Variants in INPP4B observed in about 807,000 individuals in gnomAD.
INPP4B encodes the protein inositol polyphosphate-4-phosphatase type II B, also known as inositol polyphosphate 4-phosphatase type II.
Under a neutral mutation model 122.5 loss-of-function variants are expected in INPP4B, and 55 were observed. That is an observed-to-expected ratio of 0.45 (90% CI 0.36 to 0.56). The LOEUF (loss-of-function observed/expected upper bound fraction) is 0.56, where lower values mean the gene tolerates loss of function less well. Ranked by LOEUF, INPP4B falls within the 20% of genes least tolerant of loss-of-function variation. The probability of loss-of-function intolerance (pLI) is 0.00; values close to 1 mark genes in which losing one functional copy is unlikely to be tolerated. For synonymous variants in INPP4B, 403 were observed against 388.7 expected (o/e 1.04, Z -0.43); for missense variants, 1,000 against 1,097.7 (o/e 0.91, Z 1.26).
chr4:142,830,510 G>T (rs1781987346), intron 1 of INPP4B, among the ~76,000 whole-genome samples: 1 of 152,124 alleles, frequency 6.6e-6, no homozygotes. Context: ...GGGGAATATG[G>T]AGTGGAGAGG....
chr4:142,620,514 G>A (rs531971598), intron 2 of INPP4B, among the ~76,000 whole-genome samples: 1 of 152,006 alleles, frequency 6.6e-6, no homozygotes, highest in African/African-American at 2.4e-5. Context: ...AGGATGGAGT[G>A]GGGGAGGAGA....
chr4:142,362,719 G>C (rs957184185), intron 7 of INPP4B, among the ~76,000 whole-genome samples: 1 of 151,962 alleles, frequency 6.6e-6, no homozygotes, highest in Non-Finnish European at 1.5e-5. Context: ...ATTATCCCAA[G>C]AGAATTGATG....
Position 142,024,959 on chromosome 4 carries a change from G to A in INPP4B, c.*3823C>T, listed in dbSNP as rs559392783. 8 of 152,098 alleles carry A rather than the reference G, an allele frequency of 5.3e-5. 1 individual carries two copies. In the South Asian group the frequency reaches 8.3e-4, roughly 16 times the overall value. The allele number at this position is 152,098 out of a possible 1,614,324, so 9.4% of individuals were successfully genotyped here. A position where few individuals can be genotyped will look rare whatever the true frequency, so the allele number is the denominator to read the frequency against. On this transcript the variant is annotated 3_prime_UTR_variant, in exon 26 of 26. Transcript: ENST00000262992. ...AAATATGACTTTTAACCTAATAGGA[G>A]TCTTTAAAGAAGGTAAAAACCAAAA...
At chr4:142,192,573 T>C (rs145698456) in intron 15 of INPP4B, among the ~76,000 whole-genome samples, 46 of 152,200 alleles carry the variant, frequency 3.0e-4, no homozygotes, top group Non-Finnish European at 5.1e-4. Context: ...GGAAAGAGTA[T>C]ATCAAAATTA....
intron 25 of INPP4B, among the ~76,000 whole-genome samples, chr4:142,060,039 T>C (rs544978887): frequency 3.6e-4 from 55 of 152,324 alleles, no homozygotes; most frequent in Non-Finnish European, 5.0e-4. Flanking sequence ...AAATTAGTTA[T>C]AGAATGGCTA....
intron 2 of INPP4B, among the ~76,000 whole-genome samples, chr4:142,588,455 G>A (rs1246849110): frequency 2.0e-5 from 3 of 151,692 alleles, no homozygotes; most frequent in African/African-American, 7.2e-5. Context: ...ATAAGGAAGT[G>A]TGGCACTGGT....
At chr4:142,736,203 GA>G in intron 1 of INPP4B, among the ~76,000 whole-genome samples, 1 of 152,256 alleles carries the variant, frequency 6.6e-6, no homozygotes, top group East Asian at 1.9e-4. Context: ...CAGATGATCA[GA>G]AGGAATATTA....
intron 12 of INPP4B, among the ~76,000 whole-genome samples, chr4:142,234,471 T>C (rs1184086468): frequency 6.6e-6 from 1 of 152,214 alleles, no homozygotes; most frequent in Non-Finnish European, 1.5e-5. Context: ...TGTATCTTCT[T>C]ACACTCTACT....
At chr4:142,119,930 C>A (rs1578975522) in intron 21 of INPP4B, among the ~76,000 whole-genome samples, 2 of 150,552 alleles carry the variant, frequency 1.3e-5, no homozygotes, top group South Asian at 4.2e-4. Context: ...AACTCATTAC[C>A]TAAACCCAAC....
rs141574105 is a variant in INPP4B at position 142,824,028 on chromosome 4, C to G, written c.-254+22181G>C. On this transcript the variant is annotated intron_variant, in intron 1 of 25. Coordinates refer to ENST00000262992, the MANE Select transcript of INPP4B (RefSeq NM_001101669.3). ...CAGAAGGTGAGAGGAAATACACAGT[C>G]ATTCTTTCTGCTTGAGCTGGGACAT... Among the ~76,000 whole-genome samples the G allele has an allele frequency of 1.1e-3, 164 of 152,244 alleles. 1 individual carries two copies. Among genetic ancestry groups the G allele is most frequent in the African/African-American group, 3.8e-3 (157 of 41,560 alleles).
At chr4:142,303,747 G>A (rs1374855652) in intron 9 of INPP4B, among the ~76,000 whole-genome samples, 5 of 152,024 alleles carry the variant, frequency 3.3e-5, no homozygotes, top group Non-Finnish European at 7.4e-5. Flanking sequence ...TGTTGAATTT[G>A]TTTTATATAA....
intron 21 of INPP4B, among the ~76,000 whole-genome samples, chr4:142,118,133 G>A (rs1451369162): frequency 2.6e-5 from 4 of 152,112 alleles, no homozygotes; most frequent in South Asian, 4.1e-4. Context: ...ACTGCTCAAC[G>A]AAATAAAAGA....
chr4:142,423,319 G>A (rs1281644209), intron 5 of INPP4B, among the ~76,000 whole-genome samples: 2 of 152,064 alleles, frequency 1.3e-5, no homozygotes, highest in East Asian at 3.9e-4. Flanking sequence ...TGTCTGTAAA[G>A]TGATGAGACA....
chr4:142,639,143 A>G (rs1162847211), intron 2 of INPP4B, among the ~76,000 whole-genome samples: 1 of 152,166 alleles, frequency 6.6e-6, no homozygotes, highest in African/African-American at 2.4e-5. Flanking sequence ...GTTGTGGTAT[A>G]TAATTATTTT....
intron 2 of INPP4B, among the ~76,000 whole-genome samples, chr4:142,537,429 T>TATATATATATATATATAGAG (rs1200701380): frequency 6.3e-4 from 16 of 25,484 alleles, no homozygotes; most frequent in Non-Finnish European, 1.4e-3. Context: ...TATATATATA[T>TATATATATATATATATAGAG]AGAGAGAGAG....
At chr4:142,641,929 CTT>C (rs1477858976) in intron 2 of INPP4B, among the ~76,000 whole-genome samples, 20 of 151,998 alleles carry the variant, frequency 1.3e-4, no homozygotes, top group African/African-American at 2.7e-4. Context: ...TCCAGCACCT[CTT>C]GTTTCCTGAC....
intron 9 of INPP4B, among the ~76,000 whole-genome samples, chr4:142,298,190 C>T (rs770692846): frequency 6.6e-5 from 10 of 152,300 alleles, no homozygotes; most frequent in Admixed American, 1.3e-4. Context: ...AGAAGAAAAG[C>T]ATGAGCCTTG....
chr4:142,532,335 C>T (rs1271035853), intron 2 of INPP4B, among the ~76,000 whole-genome samples: 1 of 152,124 alleles, frequency 6.6e-6, no homozygotes, highest in African/African-American at 2.4e-5. Flanking sequence ...AAGATCTTTG[C>T]AGGGGCTGTT....
rs144016407 is a variant in INPP4B, at chr4:142,261,078, T to C, written c.616-514A>G. On this transcript the variant is annotated intron_variant, in intron 10 of 25. Transcript: ENST00000262992. Reference sequence around the variant, plus strand: ...AAAAAGTATGAGGATCATTTATAAATAAGCTGATCTCTGGAATCCATAATG... The same window carrying C: ...AAAAAGTATGAGGATCATTTATAAACAAGCTGATCTCTGGAATCCATAATG... Among the ~76,000 whole-genome samples the C allele has an allele frequency of 4.9e-3, 744 of 152,342 alleles. 13 individuals are homozygous for C. The highest frequency in any genetic ancestry group is 0.016 in the African/African-American group (684 of 41,568).
Sources: gnomAD v4.1 joint callset for allele counts (sites outside exome capture counted in the v4.1 genomes callset) on GRCh38, gnomAD v4.1.1 for gene constraint, MANE v1.5 for transcripts, NCBI Gene and HGNC (gene_info 2026-07-23, HGNC 2026-07-21) for gene names.